Variants in JMJD1C observed in about 807,000 individuals in gnomAD.
JMJD1C encodes the protein jumonji domain-containing protein 1C.
Under a neutral mutation model 245.3 loss-of-function variants are expected in JMJD1C, and 31 were observed. The observed-to-expected ratio is 0.13, with a 90% confidence interval of 0.09 to 0.17. The LOEUF is 0.17. Ranked by LOEUF, JMJD1C falls within the 10% of genes least tolerant of loss-of-function variation. The probability of loss-of-function intolerance (pLI) is 1.00; values close to 1 mark genes in which losing one functional copy is unlikely to be tolerated. For missense variants in JMJD1C, 2,691 were observed against 3,000.2 expected, an observed-to-expected ratio of 0.90 and a Z score of 2.41; for synonymous variants, 1,057 against 1,017.4, an observed-to-expected ratio of 1.04 and a Z score of -0.74.
At chr10:63,364,465 C>T (rs964933250) in intron 2 of JMJD1C, among the ~76,000 whole-genome samples, 1 of 152,110 alleles carries the variant, frequency 6.6e-6, no homozygotes, top group African/African-American at 2.4e-5. Flanking sequence ...TTGTTGCTAT[C>T]TTGGTGCGAT....
At chr10:63,364,372 C>G (rs1429977753) in intron 2 of JMJD1C, among the ~76,000 whole-genome samples, 1 of 152,206 alleles carries the variant, frequency 6.6e-6, no homozygotes, top group African/African-American at 2.4e-5. Context: ...TTAAATTGGT[C>G]ACTAATTGAC....
intron 1 of JMJD1C, among the ~76,000 whole-genome samples, chr10:63,400,948 C>T (rs1282563071): frequency 6.6e-6 from 1 of 152,060 alleles, no homozygotes; most frequent in African/African-American, 2.4e-5. Context: ...GCAACCTCCG[C>T]CTCCCGGGTT....
intron 2 of JMJD1C, among the ~76,000 whole-genome samples, chr10:63,363,142 T>C (rs1945531230): frequency 1.3e-5 from 2 of 151,982 alleles, no homozygotes; most frequent in South Asian, 4.2e-4. Context: ...AGCCAGAACC[T>C]CTACTGTTCA....
chr10:63,273,237 A>G (rs1856495886), intron 2 of JMJD1C, among the ~76,000 whole-genome samples: 1 of 152,224 alleles, frequency 6.6e-6, no homozygotes, highest in Non-Finnish European at 1.5e-5. Flanking sequence ...TCTGTTGTCC[A>G]GGCCAGAGTG....
intron 2 of JMJD1C, among the ~76,000 whole-genome samples, chr10:63,275,804 A>G (rs976698619): frequency 1.3e-5 from 2 of 152,206 alleles, no homozygotes; most frequent in Non-Finnish European, 2.9e-5. Flanking sequence ...TTAACTATTT[A>G]AGTGCACTTT....
intron 16 of JMJD1C, among the ~76,000 whole-genome samples, chr10:63,191,315 G>C (rs750729314): frequency 4.6e-5 from 7 of 152,102 alleles, no homozygotes; most frequent in Admixed American, 1.3e-4. Context: ...TGTATTTTTA[G>C]TAGAGACGGG....
intron 3 of JMJD1C, among the ~76,000 whole-genome samples, chr10:63,228,869 A>G (rs1363757127): frequency 2.0e-5 from 3 of 152,190 alleles, no homozygotes; most frequent in Non-Finnish European, 4.4e-5. Context: ...ATTCTGGACA[A>G]TGCTTAGCCT....
rs7081938 is a variant in JMJD1C at position 63,269,241 on chromosome 10, A to G, written c.334-4477T>C. The G allele has an allele frequency of 5.8e-3, 5,682 of 983,446 alleles. 275 individuals carry two copies. The African/African-American group carries it at 0.092, about 16-fold the overall frequency. The allele number at this position is 983,446 out of a possible 1,614,324, so 60.9% of individuals were successfully genotyped here. A position where few individuals can be genotyped will look rare whatever the true frequency, so the allele number is the denominator to read the frequency against. ...AGAACGAGTACTTGGCTTAGGGCAC[A>G]CTGAGAGAAGGGAAGAGGCGGTGCT... On this transcript the variant is annotated intron_variant, in intron 2 of 25. Coordinates refer to ENST00000399262, the MANE Select transcript of JMJD1C (RefSeq NM_032776.3).
At chr10:63,320,098 G>A (rs1940663540) in intron 2 of JMJD1C, among the ~76,000 whole-genome samples, 1 of 152,160 alleles carries the variant, frequency 6.6e-6, no homozygotes, top group Admixed American at 6.6e-5. Flanking sequence ...TAGAGATGGT[G>A]TTTCACCATG....
chr10:63,258,821 C>T (rs546400426), intron 3 of JMJD1C, among the ~76,000 whole-genome samples: 58 of 150,490 alleles, frequency 3.9e-4, no homozygotes, highest in African/African-American at 1.3e-3. Flanking sequence ...TCATTACTTA[C>T]AAGACTTTTA....
intron 2 of JMJD1C, among the ~76,000 whole-genome samples, chr10:63,375,618 A>G (rs1946678555): frequency 6.6e-6 from 1 of 151,950 alleles, no homozygotes; most frequent in African/African-American, 2.4e-5. Flanking sequence ...TGACACAATC[A>G]TGGCTCACTG....
intron 3 of JMJD1C, among the ~76,000 whole-genome samples, chr10:63,220,283 T>C (rs1848447580): frequency 6.6e-6 from 1 of 152,204 alleles, no homozygotes; most frequent in Admixed American, 6.5e-5. Flanking sequence ...GGATTCACTA[T>C]TGGAAGCAAT....
intron 1 of JMJD1C, among the ~76,000 whole-genome samples, chr10:63,426,156 C>T (rs1950427873): frequency 6.6e-6 from 1 of 152,066 alleles, no homozygotes; most frequent in Admixed American, 6.6e-5. Context: ...AGAAGAATTG[C>T]TTGAGGCCAG....
At chr10:63,494,041 T>G (rs1280923739) in intron 1 of JMJD1C, among the ~76,000 whole-genome samples, 1 of 152,222 alleles carries the variant, frequency 6.6e-6, no homozygotes, top group Non-Finnish European at 1.5e-5. Context: ...TTGGGCCTGG[T>G]GGCTCATGCC....
intron 2 of JMJD1C, among the ~76,000 whole-genome samples, chr10:63,267,538 CTAAAGATA>C (rs1374731875): frequency 6.6e-6 from 1 of 152,084 alleles, no homozygotes; most frequent in Non-Finnish European, 1.5e-5. Flanking sequence ...ATTCAACACT[CTAAAGATA>C]TATCATTCTA....
At chr10:63,225,398 A>G (rs1282500373) in intron 3 of JMJD1C, among the ~76,000 whole-genome samples, 1 of 152,224 alleles carries the variant, frequency 6.6e-6, no homozygotes, top group Admixed American at 6.5e-5. Context: ...GGGGTACATC[A>G]GTCACTTGTG....
chr10:63,399,487 A>C (rs936023838), intron 1 of JMJD1C, among the ~76,000 whole-genome samples: 2 of 152,134 alleles, frequency 1.3e-5, no homozygotes, highest in Non-Finnish European at 2.9e-5. Context: ...TTTCAAATAA[A>C]ATTCTACACT....
intron 2 of JMJD1C, among the ~76,000 whole-genome samples, chr10:63,303,290 T>C (rs898099679): frequency 4.6e-5 from 7 of 152,164 alleles, no homozygotes; most frequent in African/African-American, 7.2e-5. Flanking sequence ...AAAAAGACTC[T>C]GCTTGTGCCT....
chr10:63,195,423 C>T (rs1387235703), intron 13 of JMJD1C, among the ~76,000 whole-genome samples: 1 of 151,802 alleles, frequency 6.6e-6, no homozygotes, highest in East Asian at 1.9e-4. Context: ...CAAACCCAGT[C>T]TAAAACTAGT....
Sources: allele counts gnomAD v4.1 joint callset (sites outside exome capture counted in the v4.1 genomes callset), GRCh38; gene constraint gnomAD v4.1.1; transcripts MANE v1.5; gene names NCBI Gene and HGNC (gene_info 2026-07-23, HGNC 2026-07-21).